The following ABCA4 variants were observed in gnomAD, a reference collection of about 807,000 sequenced individuals.
ABCA4 encodes the protein ATP binding cassette subfamily A member 4, also known as retinal-specific phospholipid-transporting ATPase ABCA4.
In ABCA4, 196 loss-of-function variants were observed where a neutral mutation model predicts 263.7. The observed-to-expected ratio is 0.74, with a 90% CI of 0.66 to 0.84. The LOEUF (loss-of-function observed/expected upper bound fraction) is 0.84. ABCA4 is among the 40% of genes least tolerant of loss of function. The pLI is 0.00. For synonymous variants in ABCA4, 1,133 were observed against 1,094.2 expected (o/e 1.04, Z -0.70); for missense variants, 2,792 against 2,855.1 (o/e 0.98, Z 0.50).
intron 48 of ABCA4, among the ~76,000 whole-genome samples, chr1:93,997,073 C>T (rs182796793): frequency 1.3e-5 from 2 of 152,280 alleles, no homozygotes; most frequent in African/African-American, 2.4e-5. Flanking sequence ...ATGGTGGTAA[C>T]GGTTGCACAA....
rs76296218 is a variant in ABCA4, at chr1:94,034,288, C to G, written c.3863-2245G>C. ...GGGAGCTGCCTTTACTCATTAGAAGCAGGGAGCCCTTTTCTTCTTCTCTTC... is the reference window on the plus strand; with the variant it reads ...GGGAGCTGCCTTTACTCATTAGAAGGAGGGAGCCCTTTTCTTCTTCTCTTC... On this transcript the variant is annotated intron_variant, in intron 26 of 49. Coordinates refer to ENST00000370225, the MANE Select transcript of ABCA4 (RefSeq NM_000350.3). Among the ~76,000 whole-genome samples the G allele has an allele frequency of 1.1e-4, 16 of 152,270 alleles. No individual in the cohort carries two copies. The South Asian group carries it at 1.5e-3, about 14-fold the overall frequency.
intron 38 of ABCA4, among the ~76,000 whole-genome samples, chr1:94,012,146 C>T (rs1375166214): frequency 6.6e-6 from 1 of 152,184 alleles, no homozygotes; most frequent in East Asian, 1.9e-4. Context: ...TTCCATCTGG[C>T]TCCTCCCAGT....
chr1:94,082,843 T>C (rs963962189), intron 7 of ABCA4, among the ~76,000 whole-genome samples: 1 of 152,224 alleles, frequency 6.6e-6, no homozygotes, highest in East Asian at 1.9e-4. Context: ...AGGAGACTTG[T>C]GCAATCAGAT....
intron 5 of ABCA4, among the ~76,000 whole-genome samples, chr1:94,099,979 A>G (rs1356960562): frequency 6.6e-6 from 1 of 152,162 alleles, no homozygotes; most frequent in African/African-American, 2.4e-5. Flanking sequence ...ACTGGCTCCT[A>G]GAGTCCTGGA....
intron 26 of ABCA4, among the ~76,000 whole-genome samples, chr1:94,033,140 G>T (rs1660249128): frequency 6.6e-6 from 1 of 152,106 alleles, no homozygotes; most frequent in Admixed American, 6.5e-5. Context: ...TCTGTAAAAT[G>T]AAGGCATGGT....
intron 39 of ABCA4, 88 bp from the exon 40 acceptor site, chr1:94,011,017 C>T: frequency 6.2e-7 from 1 of 1,608,738 alleles, no homozygotes; most frequent in South Asian, 1.1e-5. Context: ...TAGACCAGGC[C>T]TTATGTGGGA....
At chr1:94,045,869 C>T (rs1315825588) in intron 19 of ABCA4, 2 of 456,296 alleles carry the variant, frequency 4.4e-6, no homozygotes, top group Admixed American at 4.7e-5. Context: ...CCTGCGAGGT[C>T]CGTGTCTGCT....
chr1:94,044,353 G>C (rs1660610855), intron 20 of ABCA4, among the ~76,000 whole-genome samples: 1 of 152,202 alleles, frequency 6.6e-6, no homozygotes, highest in African/African-American at 2.4e-5. Context: ...TCGATCAGCT[G>C]CTCTGTCAGA....
rs74963419 is a variant in ABCA4, at chr1:94,114,073, G to A, written c.67-1007C>T. 3.7e-3 allele frequency among the ~76,000 whole-genome samples: 565 copies of A among 152,312 alleles called. 14 individuals carry two copies. The highest frequency in any genetic ancestry group is 0.034 in the Admixed American group (513 of 15,302). On this transcript the variant is annotated intron_variant, in intron 1 of 49. Transcript: ENST00000370225. ...TGAAGGAGATCTGAAGCAGCTGGCC[G>A]GGGAATAGCAAGTTTAATAGATCAG...
In ABCA4 at chr1:94,108,671, T is replaced by C; in HGVS notation, c.348A>G (p.Ala116=). ...YRDFQELLMN[A]PESQHLGRIW... ...TACGGCCAAGGTGCTGGCTCTCTGG[T>C]GCATTCATGAGGAGTTCTTGAAAAT... is the stretch of plus-strand genomic sequence containing the variant. Residue 116 remains alanine, a synonymous_variant, in exon 4 of 50, where the codon GCA becomes GCG. Coordinates refer to ENST00000370225, the MANE Select transcript of ABCA4 (RefSeq NM_000350.3). 1 of 1,614,050 alleles carries C rather than the reference T, an allele frequency of 6.2e-7. No homozygotes were observed. Among genetic ancestry groups the C allele is most frequent in the Non-Finnish European group, 8.5e-7 (1 of 1,180,016 alleles).
chr1:94,007,792 A>C, intron 42 of ABCA4, 52 bp from the exon 43 acceptor site: 3 of 1,517,108 alleles, frequency 2.0e-6, no homozygotes, highest in Non-Finnish European at 2.7e-6. Context: ...AAGGTCTAAA[A>C]TGTCAGGCCC....
chr1:94,030,664 C>T, intron 28 of ABCA4, 138 bp from the exon 29 acceptor site: 1 of 885,580 alleles, frequency 1.1e-6, no homozygotes, highest in African/African-American at 1.6e-5. Context: ...GGCGCTAGCT[C>T]TCCTGGGAGT....
Position 94,006,555 on chromosome 1 carries a change from C to T in ABCA4, c.6006-973G>A, listed in dbSNP as rs74102065. ...ACCCTGCCATGACTCCTTTTGTCAC[C>T]ATGAGGAAGTCACCTGCGTGGTCAC... On this transcript the variant is annotated intron_variant, in intron 43 of 49. Coordinates refer to ENST00000370225, the MANE Select transcript of ABCA4 (RefSeq NM_000350.3). Among the ~76,000 whole-genome samples the T allele has an allele frequency of 2.0e-3, 306 of 152,322 alleles. 1 individual carries two copies. Among genetic ancestry groups the T allele is most frequent in the South Asian group, 0.018 (89 of 4,822 alleles).
In ABCA4 at chr1:94,063,332, A is replaced by C. The variant is rs925986780; in HGVS notation, c.1555-15T>G. ...AGGACCAAGCACTGCAGAGAGTCAC[A>C]AAGTTGAGAGAGTGTGAGGAGGACC... On this transcript the variant is annotated splice_polypyrimidine_tract_variant and intron_variant, in intron 11 of 49. Transcript: ENST00000370225. The C allele has an allele frequency of 1.9e-6, 3 of 1,613,524 alleles. No individual in the cohort carries two copies. Among genetic ancestry groups the C allele is most frequent in the South Asian group, 1.1e-5 (1 of 91,070 alleles).
intron 47 of ABCA4, among the ~76,000 whole-genome samples, chr1:94,000,597 A>G (rs1659146694): frequency 6.6e-6 from 1 of 152,126 alleles, no homozygotes; most frequent in African/African-American, 2.4e-5. Context: ...TCCTGATCAG[A>G]TGCCCCATCC....
chr1:94,078,845 A>C, intron 9 of ABCA4, 139 bp from the exon 10 acceptor site: 1 of 747,518 alleles, frequency 1.3e-6, no homozygotes, highest in Non-Finnish European at 2.4e-6. Flanking sequence ...TTCTCAGTCT[A>C]TTGCTATTTC....
chr1:94,055,120 C>T lies in ABCA4; in HGVS notation c.2578G>A (p.Val860Met), dbSNP rs775189672. 4 of 1,613,988 alleles carry T rather than the reference C, an allele frequency of 2.5e-6. No individual in the cohort carries two copies. The African/African-American group carries it at 5.3e-5, about 22-fold the overall frequency. The change falls in exon 16 of 50, where the codon GTG (valine) becomes ATG (methionine). Residue 860 changes from valine (V) to methionine (M), a missense_variant. Physicochemically the swap from Val to Met is conservative, Grantham distance 21. Coordinates refer to ENST00000370225, the MANE Select transcript of ABCA4 (RefSeq NM_000350.3). The part of the protein sequence containing the change: ...YGLLAWYLDQ[V>M]FPGDYGTPLP... ...AGAGGAGGATGCTTACCTGGAAACACCTGATCAAGGTACCAAGCGAGTAAG... is the reference window on the plus strand; with the variant it reads ...AGAGGAGGATGCTTACCTGGAAACATCTGATCAAGGTACCAAGCGAGTAAG...
At chr1:94,061,437 C>T (rs1029695664) in intron 13 of ABCA4, 2 of 154,298 alleles carry the variant, frequency 1.3e-5, no homozygotes, top group African/African-American at 2.4e-5. Context: ...GAACTTTACA[C>T]GTTTTCCCTG....
At position 94,023,368 on chromosome 1, in the gene ABCA4, A is replaced by G; in HGVS notation, c.4667+18T>C. ...GAATCAATCTGAGATTTTAATTCTGATAAAAATAGTTTCTTACCTCTGTTC... is the reference window on the plus strand; with the variant it reads ...GAATCAATCTGAGATTTTAATTCTGGTAAAAATAGTTTCTTACCTCTGTTC... On this transcript the variant is annotated intron_variant, in intron 32 of 49. Coordinates refer to ENST00000370225, the MANE Select transcript of ABCA4 (RefSeq NM_000350.3). 1 of 1,591,704 alleles carries G rather than the reference A, an allele frequency of 6.3e-7. No individual in the cohort carries two copies. The highest frequency in any genetic ancestry group is 8.6e-7 in the Non-Finnish European group (1 of 1,160,358).
Sources: gnomAD v4.1 joint callset for allele counts (sites outside exome capture counted in the v4.1 genomes callset) on GRCh38, gnomAD v4.1.1 for gene constraint, MANE v1.5 for transcripts, NCBI Gene and HGNC (gene_info 2026-07-23, HGNC 2026-07-21) for gene names.